PRKN: variants seen among roughly 807,000 people sequenced by gnomAD.
PRKN encodes parkin RBR E3 ubiquitin protein ligase, also known as E3 ubiquitin-protein ligase parkin.
A neutral mutation model predicts 59.5 loss-of-function variants in PRKN; 56 were observed. The observed-to-expected ratio is 0.94, with a 90% CI of 0.76 to 1.18. The LOEUF (loss-of-function observed/expected upper bound fraction) is 1.18. PRKN is among the 50% of genes most tolerant of loss of function. The probability of loss-of-function intolerance (pLI) is 0.00; values close to 1 mark genes in which losing one functional copy is unlikely to be tolerated. For missense variants in PRKN, 657 were observed against 596.4 expected (o/e 1.10, Z -1.06); for synonymous variants, 250 against 222.1 (o/e 1.13, Z -1.12).
chr6:162,605,061 A>G (rs1332214566), intron 1 of PRKN, among the ~76,000 whole-genome samples: 3 of 152,212 alleles, frequency 2.0e-5, no homozygotes, highest in Admixed American at 1.3e-4. Flanking sequence ...CATAAAGTAT[A>G]TATCACTTGC....
chr6:161,374,858 T>C (rs867442255), intron 10 of PRKN, among the ~76,000 whole-genome samples: 61 of 152,248 alleles, frequency 4.0e-4, no homozygotes, highest in Middle Eastern at 3.4e-3. Flanking sequence ...ATACAGGGTA[T>C]AGACTTGCAA....
rs373905109 is a variant in PRKN at position 161,386,755 on chromosome 6, C to T, written c.1167+39G>A. On this transcript the variant is annotated intron_variant, in intron 10 of 11. Transcript: ENST00000366898. This position sits in a 1 kb window ranked among gnomAD's most constrained non-coding sequence, Gnocchi z 4.3. ...AACGGCTCCAGTCCCCCACTGTATC[C>T]GGAGCCCTGCTTGGAGGAATGAGTA... is the stretch of plus-strand genomic sequence containing the variant. The T allele has an allele frequency of 8.9e-5, 131 of 1,476,366 alleles. No homozygotes were observed. Among genetic ancestry groups the T allele is most frequent in the Non-Finnish European group, 1.1e-4 (117 of 1,054,708 alleles). The allele number at this position is 1,476,366 out of a possible 1,614,324, so 91.5% of individuals were successfully genotyped here. A position where few individuals can be genotyped will look rare whatever the true frequency, so the allele number is the denominator to read the frequency against.
At chr6:162,035,168 T>G (rs995368349) in intron 5 of PRKN, among the ~76,000 whole-genome samples, 39 of 146,802 alleles carry the variant, frequency 2.7e-4, no homozygotes, top group African/African-American at 9.6e-4. Flanking sequence ...GAGAGAGATA[T>G]ATATATATAT....
At position 161,361,532 on chromosome 6, in the gene PRKN, T is replaced by G. The variant is rs2114863407; in HGVS notation, c.1168-1327A>C. ...TTACCAAACTTTCAGGGGTTACCAC[T>G]AAACTTTCAGGGGTTACCAAACATC... On this transcript the variant is annotated intron_variant, in intron 10 of 11. Transcript: ENST00000366898. This position sits in a 1 kb window ranked among gnomAD's most constrained non-coding sequence, Gnocchi z 5.2. Among the ~76,000 whole-genome samples the G allele has an allele frequency of 6.6e-6, 1 of 152,260 alleles. No individual in the cohort carries two copies. Among genetic ancestry groups the G allele is most frequent in the South Asian group, 2.1e-4 (1 of 4,792 alleles).
rs1343475188 is a variant in PRKN, at chr6:161,390,529, C to T, written c.1084-3652G>A. On this transcript the variant is annotated intron_variant, in intron 9 of 11. Transcript: ENST00000366898. This position sits in a 1 kb window ranked among gnomAD's most constrained non-coding sequence, Gnocchi z 7.0. ...ATTGAGACAGAGTCTTGCTCTGTTG[C>T]CCAGGCTGGAGTGCAGTGGCACCAT... Among the ~76,000 whole-genome samples the T allele has an allele frequency of 1.3e-5, 2 of 152,176 alleles. No individual in the cohort carries two copies. The highest frequency in any genetic ancestry group is 2.9e-5 in the Non-Finnish European group (2 of 68,040).
At chr6:162,048,673 G>C (rs536862499) in intron 5 of PRKN, among the ~76,000 whole-genome samples, 2 of 149,088 alleles carry the variant, frequency 1.3e-5, no homozygotes, top group African/African-American at 5.0e-5. Context: ...AAGAATAATT[G>C]TCTTGGGCCA....
At position 161,391,122 on chromosome 6, in the gene PRKN, C is replaced by T. The variant is rs1177116363; in HGVS notation, c.1084-4245G>A. 6.6e-6 allele frequency among the ~76,000 whole-genome samples: 1 copy of T among 152,126 alleles called. No individual in the cohort carries two copies. The highest frequency in any genetic ancestry group is 1.5e-5 in the Non-Finnish European group (1 of 68,034). ...AGAAAAAGCTTGCCGGGGAAGAAAG[C>T]AGACCTAGCTCCAACATTTTCACAT... On this transcript the variant is annotated intron_variant, in intron 9 of 11. Coordinates refer to ENST00000366898, the MANE Select transcript of PRKN (RefSeq NM_004562.3). This position sits in a 1 kb window ranked among gnomAD's most constrained non-coding sequence, Gnocchi z 4.9.
chr6:161,900,946 C>T (rs1472017921), intron 6 of PRKN, among the ~76,000 whole-genome samples: 19 of 146,956 alleles, frequency 1.3e-4, no homozygotes, highest in African/African-American at 4.3e-4. Context: ...GATGGAGTCT[C>T]GCTCTGTCAC....
At chr6:161,799,805 A>T (rs966336190) in intron 6 of PRKN, among the ~76,000 whole-genome samples, 1 of 152,218 alleles carries the variant, frequency 6.6e-6, no homozygotes, top group African/African-American at 2.4e-5. Context: ...GGGATGGGAC[A>T]TTTGCATTGC....
chr6:161,819,826 G>C (rs9458391), intron 6 of PRKN, among the ~76,000 whole-genome samples: 5,805 of 152,160 alleles, frequency 0.038, 386 homozygotes, highest in African/African-American at 0.13. Flanking sequence ...ACTAAGCATA[G>C]CAGCAGATAT....
chr6:162,582,418 T>C (rs2128211616), intron 1 of PRKN, among the ~76,000 whole-genome samples: 1 of 152,362 alleles, frequency 6.6e-6, no homozygotes, highest in South Asian at 2.1e-4. Flanking sequence ...GAGTTAAGGA[T>C]ACTGAGGATA....
intron 5 of PRKN, among the ~76,000 whole-genome samples, chr6:162,006,060 C>T (rs1214915451): frequency 6.6e-6 from 1 of 152,020 alleles, no homozygotes; most frequent in African/African-American, 2.4e-5. Flanking sequence ...ATCTGCATTT[C>T]TTAGAATTAC....
At chr6:161,383,139 T>C (rs1786068553) in intron 10 of PRKN, among the ~76,000 whole-genome samples, 1 of 152,178 alleles carries the variant, frequency 6.6e-6, no homozygotes, top group African/African-American at 2.4e-5. Context: ...CTTTCAAAGA[T>C]TTCAGGTCAA....
At chr6:162,509,716 C>T (rs1480155901) in intron 1 of PRKN, among the ~76,000 whole-genome samples, 1 of 152,174 alleles carries the variant, frequency 6.6e-6, no homozygotes, top group Non-Finnish European at 1.5e-5. Context: ...GTATTTTACG[C>T]AGACACTGCT....
chr6:161,898,404 C>T (rs1777743525), intron 6 of PRKN, among the ~76,000 whole-genome samples: 1 of 152,166 alleles, frequency 6.6e-6, no homozygotes, highest in Non-Finnish European at 1.5e-5. Context: ...TATTGCTTTA[C>T]ACTGTTCACA....
At chr6:162,104,782 G>C (rs1429891341) in intron 4 of PRKN, among the ~76,000 whole-genome samples, 1 of 151,996 alleles carries the variant, frequency 6.6e-6, no homozygotes, top group East Asian at 1.9e-4. Flanking sequence ...GGAGGAAAAC[G>C]ACAAAAATAT....
At chr6:162,579,991 T>C (rs527723884) in intron 1 of PRKN, among the ~76,000 whole-genome samples, 1 of 152,306 alleles carries the variant, frequency 6.6e-6, no homozygotes, top group East Asian at 1.9e-4. Context: ...ATCATGAACG[T>C]TATCATTATT....
intron 5 of PRKN, 103 bp downstream of exon 5, chr6:162,053,988 T>A (rs989530940): frequency 1.4e-5 from 12 of 852,210 alleles, no homozygotes; most frequent in Middle Eastern, 4.4e-4. Flanking sequence ...CATTATTAGA[T>A]GGAAGAACAG....
chr6:161,630,623 T>G (rs969482531), intron 7 of PRKN, among the ~76,000 whole-genome samples: 2 of 152,164 alleles, frequency 1.3e-5, no homozygotes, highest in Non-Finnish European at 2.9e-5. Flanking sequence ...AATTCAAACT[T>G]TCACAAATTC....
Sources: allele counts gnomAD v4.1 joint callset (sites outside exome capture counted in the v4.1 genomes callset), GRCh38; gene constraint gnomAD v4.1.1; non-coding constraint Gnocchi (gnomAD v3.1); transcripts MANE v1.5; gene names NCBI Gene and HGNC (gene_info 2026-07-23, HGNC 2026-07-21).